Variants in CREB1 observed in about 807,000 individuals in gnomAD.
CREB1 encodes cAMP responsive element binding protein 1, also known as cyclic AMP-responsive element-binding protein 1.
A neutral mutation model predicts 42.0 loss-of-function variants in CREB1; 2 were observed. That is an observed-to-expected ratio of 0.05 (90% CI 0.02 to 0.15). CREB1 has a LOEUF of 0.15. Ranked by LOEUF, CREB1 falls within the 10% of genes least tolerant of loss-of-function variation. CREB1 has a pLI of 1.00. For synonymous variants in CREB1, 123 were observed against 139.9 expected, an observed-to-expected ratio of 0.88 and a Z score of 0.85; for missense variants, 199 against 388.9, an observed-to-expected ratio of 0.51 and a Z score of 4.11.
rs1245947055 is a variant in CREB1, at chr2:207,532,478, T to A, written c.-9+2344T>A. On this transcript the variant is annotated intron_variant, in intron 1 of 7. Coordinates refer to ENST00000353267, the MANE Select transcript of CREB1 (RefSeq NM_004379.5). The stretch of plus-strand genomic sequence containing the variant: ...TCACGAGGTCAAGAGATCGAGACCA[T>A]CCTGGCTAACATGGTGAAACCCCGT... Among the ~76,000 whole-genome samples the A allele has an allele frequency of 9.2e-5, 14 of 151,754 alleles. No individual in the cohort carries two copies. In the South Asian group the frequency reaches 2.9e-3, roughly 32 times the overall value.
rs1425405033 is a variant in CREB1 at position 207,605,489 on chromosome 2, T to C, written c.*8431T>C. 6.6e-6 allele frequency among the ~76,000 whole-genome samples: 1 copy of C among 152,196 alleles called. No homozygotes were observed. Among genetic ancestry groups the C allele is most frequent in the Non-Finnish European group, 1.5e-5 (1 of 68,034 alleles). On this transcript the variant is annotated 3_prime_UTR_variant, in exon 8 of 8. Transcript: ENST00000353267. ...AAGTTTTTGCTTTATAATGTCCTCA[T>C]TGTTTTCAAACTTACTTTATGTAAT... is the stretch of plus-strand genomic sequence containing the variant.
In CREB1 at chr2:207,600,296, CTT is replaced by C. The variant is rs1279714593; in HGVS notation, c.*3239_*3240del. On this transcript the variant is annotated 3_prime_UTR_variant, in exon 8 of 8. Transcript: ENST00000353267. Reference sequence around the variant, plus strand: ...TATATAATCTAAAGCTCTGAGAGCTCTTAAGTCAGGAATGCTGAGTATTATAG... The same window carrying C: ...TATATAATCTAAAGCTCTGAGAGCTCAAGTCAGGAATGCTGAGTATTATAG... The C allele has an allele frequency of 2.1e-4, 37 of 174,092 alleles. No homozygotes were observed. Among genetic ancestry groups the C allele is most frequent in the African/African-American group, 8.2e-4 (34 of 41,558 alleles). The allele number at this position is 174,092 out of a possible 1,614,324, so 10.8% of individuals were successfully genotyped here.
chr2:207,554,640 T>A (rs1055608879), intron 1 of CREB1, among the ~76,000 whole-genome samples: 1 of 152,212 alleles, frequency 6.6e-6, no homozygotes, highest in African/African-American at 2.4e-5. Flanking sequence ...ACTCCACTTT[T>A]GCTGCCATCC....
In CREB1 at chr2:207,597,258, C is replaced by G; in HGVS notation, c.*200C>G. On this transcript the variant is annotated 3_prime_UTR_variant, in exon 8 of 8. Coordinates refer to ENST00000353267, the MANE Select transcript of CREB1 (RefSeq NM_004379.5). The stretch of plus-strand genomic sequence containing the variant: ...TCCAACACCTGCCTCCACTTCTCCC[C>G]TCAAGAAATTTTCAACGCCAGGAAT... The G allele has an allele frequency of 2.0e-6, 1 of 493,362 alleles. No homozygotes were observed. Among genetic ancestry groups the G allele is most frequent in the Non-Finnish European group, 3.4e-6 (1 of 297,848 alleles). The allele number at this position is 493,362 out of a possible 1,614,324, so 30.6% of individuals were successfully genotyped here.
intron 3 of CREB1, among the ~76,000 whole-genome samples, chr2:207,565,805 A>C (rs570181113): frequency 6.6e-6 from 1 of 152,262 alleles, no homozygotes; most frequent in African/African-American, 2.4e-5. Context: ...AGTACTATCA[A>C]CTTTGAGTTC....
intron 5 of CREB1, among the ~76,000 whole-genome samples, chr2:207,573,714 CAG>C (rs1484967393): frequency 6.6e-6 from 1 of 152,154 alleles, no homozygotes; most frequent in African/African-American, 2.4e-5. Flanking sequence ...GCCTGGAAGA[CAG>C]AACAAGACCC....
At chr2:207,560,069 TAAAG>T (rs1304741762) in intron 2 of CREB1, among the ~76,000 whole-genome samples, 153 bp from the exon 3 acceptor site, 2 of 152,228 alleles carry the variant, frequency 1.3e-5, no homozygotes, top group South Asian at 2.1e-4. Flanking sequence ...TGTTTTTTCT[TAAAG>T]AATATTAAAT....
At chr2:207,532,355 T>A (rs1373485167) in intron 1 of CREB1, among the ~76,000 whole-genome samples, 1 of 150,996 alleles carries the variant, frequency 6.6e-6, no homozygotes, top group Non-Finnish European at 1.5e-5. Context: ...AATATATGAC[T>A]CTTCATTTGT....
chr2:207,572,028 C>T lies in CREB1; in HGVS notation c.505+1707C>T, dbSNP rs890731586. 2.6e-5 allele frequency among the ~76,000 whole-genome samples: 4 copies of T among 152,012 alleles called. No individual in the cohort carries two copies. The East Asian group carries it at 5.8e-4, about 22-fold the overall frequency. Reference sequence around the variant, plus strand: ...GGATCATGAGGTCAGGAGTTCAAGACCAGCCTGCCCAACATGGTGAAACCC... The same window carrying T: ...GGATCATGAGGTCAGGAGTTCAAGATCAGCCTGCCCAACATGGTGAAACCC... On this transcript the variant is annotated intron_variant, in intron 5 of 7. Coordinates refer to ENST00000353267, the MANE Select transcript of CREB1 (RefSeq NM_004379.5).
At chr2:207,539,075 C>G (rs994459330) in intron 1 of CREB1, among the ~76,000 whole-genome samples, 2 of 146,446 alleles carry the variant, frequency 1.4e-5, no homozygotes, top group Non-Finnish European at 3.0e-5. Context: ...GAATCTCGCT[C>G]TGTCTCCCAG....
intron 7 of CREB1, among the ~76,000 whole-genome samples, chr2:207,588,720 G>C (rs1295215386): frequency 1.5e-5 from 1 of 65,142 alleles, no homozygotes; most frequent in Non-Finnish European, 3.1e-5. Flanking sequence ...AGTATGAACT[G>C]TTTTCTGGTT....
intron 7 of CREB1, among the ~76,000 whole-genome samples, chr2:207,588,868 T>C (rs2084412659): frequency 1.4e-5 from 2 of 139,102 alleles, no homozygotes; most frequent in Non-Finnish European, 3.1e-5. Context: ...TAAATTTACT[T>C]ATTAGTTCTA....
intron 7 of CREB1, among the ~76,000 whole-genome samples, chr2:207,585,424 T>G (rs1176202455): frequency 2.0e-5 from 3 of 152,030 alleles, no homozygotes; most frequent in Non-Finnish European, 4.4e-5. Flanking sequence ...TACAGCTACA[T>G]CTACAGTAAA....
chr2:207,597,069 A>G lies in CREB1; in HGVS notation c.*11A>G, dbSNP rs2086302538. ...CACAAATCAGATTAATTTGGGATTT[A>G]AATTTTCACCTGTTAAGGTGGAAAA... On this transcript the variant is annotated 3_prime_UTR_variant, in exon 8 of 8. Transcript: ENST00000353267. The G allele has an allele frequency of 6.3e-7, 1 of 1,587,332 alleles. No homozygotes were observed. Among genetic ancestry groups the G allele is most frequent in the Non-Finnish European group, 8.5e-7 (1 of 1,171,720 alleles).
intron 1 of CREB1, among the ~76,000 whole-genome samples, chr2:207,537,062 G>T (rs1275667284): frequency 6.6e-6 from 1 of 151,848 alleles, no homozygotes; most frequent in Non-Finnish European, 1.5e-5. Context: ...CTTTGTTGTT[G>T]TTGTTGTTGT....
At position 207,567,690 on chromosome 2, in the gene CREB1, G is replaced by A. The variant is rs1456528351; in HGVS notation, c.362+127G>A. 4 of 537,898 alleles carry A rather than the reference G, an allele frequency of 7.4e-6. No homozygotes were observed. The East Asian group carries it at 1.2e-4, about 16-fold the overall frequency. The allele number at this position is 537,898 out of a possible 1,614,324, so 33.3% of individuals were successfully genotyped here. Reference sequence around the variant, plus strand: ...TATAGATTACTTTTCTTCATCTTGAGTTATTTGTCTCAAATAAAGTGGAAG... The same window carrying A: ...TATAGATTACTTTTCTTCATCTTGAATTATTTGTCTCAAATAAAGTGGAAG... On this transcript the variant is annotated intron_variant, in intron 4 of 7. Transcript: ENST00000353267.
At position 207,601,490 on chromosome 2, in the gene CREB1, C is replaced by G. The variant is rs995329484; in HGVS notation, c.*4432C>G. 1.6e-5 allele frequency: 3 copies of G among 193,496 alleles called. No homozygotes were observed. The highest frequency in any genetic ancestry group is 2.3e-5 in the African/African-American group (1 of 43,160). 12.0% of individuals were successfully genotyped at this position (193,496 alleles called of 1,614,324 possible). A position where few individuals can be genotyped will look rare whatever the true frequency, so the allele number is the denominator to read the frequency against. On this transcript the variant is annotated 3_prime_UTR_variant, in exon 8 of 8. Transcript: ENST00000353267. ...AGTTAATTAAAAGACGGGCTCAAAC[C>G]TTGTTTTATTCTTTTTCATCTTGGA...
chr2:207,590,116 C>G (rs1445555835), intron 7 of CREB1, among the ~76,000 whole-genome samples: 2 of 103,298 alleles, frequency 1.9e-5, no homozygotes, highest in African/African-American at 7.6e-5. Context: ...TTAATAGATA[C>G]GGGATCATTC....
At position 207,567,571 on chromosome 2, in the gene CREB1, A is replaced by G. The variant is rs751576701; in HGVS notation, c.362+8A>G. On this transcript the variant is annotated splice_region_variant and intron_variant, in intron 4 of 7. Coordinates refer to ENST00000353267, the MANE Select transcript of CREB1 (RefSeq NM_004379.5). ...AAGGAGGCCTTCCTACAGGTATGGA[A>G]TTTAATAGTTAGAATCAAAGATGTG... is the stretch of plus-strand genomic sequence containing the variant. The G allele has an allele frequency of 1.3e-6, 2 of 1,585,424 alleles. No individual in the cohort carries two copies. The highest frequency in any genetic ancestry group is 1.7e-5 in the Admixed American group (1 of 59,724).
Sources: allele counts gnomAD v4.1 joint callset (sites outside exome capture counted in the v4.1 genomes callset), GRCh38; gene constraint gnomAD v4.1.1; transcripts MANE v1.5; gene names NCBI Gene and HGNC (gene_info 2026-07-23, HGNC 2026-07-21).